The following ESR1 variants were observed in gnomAD, a reference collection of about 807,000 sequenced individuals.
ESR1 encodes estrogen receptor 1.
A neutral mutation model predicts 52.7 loss-of-function variants in ESR1; 12 were observed. That is an observed-to-expected ratio of 0.23 (90% CI 0.15 to 0.37). The LOEUF (loss-of-function observed/expected upper bound fraction) is 0.37, where lower values mean the gene tolerates loss of function less well. Ranked by LOEUF, ESR1 falls within the 10% of genes least tolerant of loss-of-function variation. The pLI, the probability that ESR1 is intolerant of heterozygous loss-of-function variation, is 1.00. For missense variants in ESR1, 584 were observed against 779.7 expected, an observed-to-expected ratio of 0.75 and a Z score of 2.99; for synonymous variants, 305 against 316.8, an observed-to-expected ratio of 0.96 and a Z score of 0.39.
intron 2 of ESR1, among the ~76,000 whole-genome samples, chr6:151,756,974 A>C (rs145524521): frequency 0.038 from 5,845 of 152,304 alleles, 332 homozygotes; most frequent in African/African-American, 0.12. Context: ...TGGGCGACAG[A>C]GCGAGACTCT....
At chr6:151,681,797 G>T (rs6557164) in intron 1 of ESR1, among the ~76,000 whole-genome samples, 29,592 of 152,080 alleles carry the variant, frequency 0.19, 3,615 homozygotes, top group African/African-American at 0.35. Context: ...AGCTTGGGGT[G>T]GGGGAGGCGG....
intron 5 of ESR1, among the ~76,000 whole-genome samples, chr6:152,042,274 G>A (rs568229062): frequency 2.5e-4 from 38 of 152,280 alleles, no homozygotes; most frequent in African/African-American, 8.7e-4. Flanking sequence ...TCTGGCACTA[G>A]GGAAATGACC....
chr6:151,885,685 T>C (rs1156540580), intron 3 of ESR1, among the ~76,000 whole-genome samples: 1 of 152,074 alleles, frequency 6.6e-6, no homozygotes, highest in East Asian at 1.9e-4. Context: ...GCCAACAAGG[T>C]GAAACCTCGT....
At chr6:152,060,707 G>A (rs1337218353) in intron 5 of ESR1, among the ~76,000 whole-genome samples, 1 of 152,138 alleles carries the variant, frequency 6.6e-6, no homozygotes, top group Non-Finnish European at 1.5e-5. Context: ...TTACCCATAG[G>A]TTGAAGAACT....
intron 6 of ESR1, among the ~76,000 whole-genome samples, chr6:152,110,760 G>A (rs932667214): frequency 1.3e-5 from 2 of 152,222 alleles, no homozygotes; most frequent in Admixed American, 1.3e-4. Flanking sequence ...AACTTTTAAC[G>A]CAAAAGGAGT....
chr6:151,805,262 C>T (rs916805461), upstream of ESR1: 2 of 152,164 alleles, frequency 1.3e-5, no homozygotes, highest in Non-Finnish European at 2.9e-5. Context: ...GGCATTTGAT[C>T]CACATGTATC....
Position 152,003,144 on chromosome 6 carries a change from C to T in ESR1, c.1097-8512C>T, listed in dbSNP as rs576903568. On this transcript the variant is annotated intron_variant, in intron 4 of 7. Transcript: ENST00000206249. ...TGGGGCTGGTAACAAGGTAGGATTG[C>T]CATCTGCTTTGTTTTCTCTAAGGGA... is the stretch of plus-strand genomic sequence containing the variant. 2.0e-5 allele frequency among the ~76,000 whole-genome samples: 3 copies of T among 151,912 alleles called. No individual in the cohort carries two copies. In the South Asian group the frequency reaches 6.2e-4, roughly 32 times the overall value.
At chr6:151,786,414 G>A (rs1473232616) in intron 2 of ESR1, among the ~76,000 whole-genome samples, 6 of 152,122 alleles carry the variant, frequency 3.9e-5, no homozygotes, top group African/African-American at 1.4e-4. Flanking sequence ...TGGAGACCTG[G>A]CACGGCATAA....
At position 151,887,556 on chromosome 6, in the gene ESR1, A is replaced by G. The variant is rs569264255; in HGVS notation, c.760+6785A>G. 2.0e-5 allele frequency among the ~76,000 whole-genome samples: 3 copies of G among 152,206 alleles called. No homozygotes were observed. In the South Asian group the frequency reaches 6.2e-4, roughly 32 times the overall value. Reference sequence around the variant, plus strand: ...AGTTGATTTGGCATACCCTCTCTTTATTCATTATGATGTTCATGAGAAACC... The same window carrying G: ...AGTTGATTTGGCATACCCTCTCTTTGTTCATTATGATGTTCATGAGAAACC... On this transcript the variant is annotated intron_variant, in intron 3 of 7. Transcript: ENST00000206249.
rs548794753 is a variant in ESR1 at position 151,809,000 on chromosome 6, T to C, written c.452+636T>C. Reference sequence around the variant, plus strand: ...AGTTGAATGGGTCTGATTTCGGAGTTAGCTGGCTGAGTCCGCGCTGGAGCG... The same window carrying C: ...AGTTGAATGGGTCTGATTTCGGAGTCAGCTGGCTGAGTCCGCGCTGGAGCG... On this transcript the variant is annotated intron_variant, in intron 1 of 7. Transcript: ENST00000206249. 5.5e-5 allele frequency: 14 copies of C among 256,854 alleles called. No individual in the cohort carries two copies. In the East Asian group the frequency reaches 1.9e-3, roughly 35 times the overall value. 15.9% of individuals were successfully genotyped at this position (256,854 alleles called of 1,614,324 possible). A position where few individuals can be genotyped will look rare whatever the true frequency, so the allele number is the denominator to read the frequency against.
At chr6:152,069,599 G>A (rs1222568127) in intron 6 of ESR1, among the ~76,000 whole-genome samples, 1 of 135,686 alleles carries the variant, frequency 7.4e-6, no homozygotes, top group Non-Finnish European at 1.5e-5. Context: ...TGGGGTGGGG[G>A]ATAGCTTCGG....
At chr6:151,818,602 T>G (rs1479754240) in intron 1 of ESR1, among the ~76,000 whole-genome samples, 1 of 152,122 alleles carries the variant, frequency 6.6e-6, no homozygotes, top group Non-Finnish European at 1.5e-5. Flanking sequence ...GCAGTACTGG[T>G]CATTTTCTAG....
upstream of ESR1, among the ~76,000 whole-genome samples, chr6:151,800,662 C>A (rs763681112): frequency 1.2e-4 from 18 of 152,294 alleles, no homozygotes; most frequent in South Asian, 6.2e-4. Flanking sequence ...TTTAAATCAC[C>A]CAGTCTATGG....
chr6:151,817,373 T>C (rs1244380658), intron 1 of ESR1, among the ~76,000 whole-genome samples: 1 of 152,196 alleles, frequency 6.6e-6, no homozygotes. Flanking sequence ...TTTCCAAGTC[T>C]TCAGGATGGA....
At chr6:152,069,317 A>T (rs1290714432) in intron 6 of ESR1, among the ~76,000 whole-genome samples, 1 of 136,758 alleles carries the variant, frequency 7.3e-6, no homozygotes, top group Non-Finnish European at 1.5e-5. Context: ...GCACTGGGTC[A>T]GTTCCTCGGA....
At chr6:152,006,052 A>C (rs1020373107) in intron 4 of ESR1, among the ~76,000 whole-genome samples, 5 of 152,034 alleles carry the variant, frequency 3.3e-5, no homozygotes, top group African/African-American at 1.2e-4. Flanking sequence ...TTATTATGGC[A>C]GGGCAAAACC....
chr6:151,682,256 C>T (rs991448454), intron 1 of ESR1, among the ~76,000 whole-genome samples: 1 of 152,146 alleles, frequency 6.6e-6, no homozygotes, highest in Non-Finnish European at 1.5e-5. Context: ...TAAATGGCAC[C>T]ATTGAATTGC....
chr6:152,002,696 T>C (rs2042049524), intron 4 of ESR1, among the ~76,000 whole-genome samples: 1 of 152,070 alleles, frequency 6.6e-6, no homozygotes, highest in Admixed American at 6.6e-5. Flanking sequence ...AAAAATAATT[T>C]CTTTTACCTT....
chr6:151,899,017 C>T, intron 3 of ESR1, among the ~76,000 whole-genome samples: 1 of 151,038 alleles, frequency 6.6e-6, no homozygotes, highest in Non-Finnish European at 1.5e-5. Context: ...GGGCGGCTGG[C>T]CGGGCGGGGG....
Sources: allele counts gnomAD v4.1 joint callset (sites outside exome capture counted in the v4.1 genomes callset), GRCh38; gene constraint gnomAD v4.1.1; transcripts MANE v1.5; gene names NCBI Gene and HGNC (gene_info 2026-07-23, HGNC 2026-07-21).